The following ANK2 variants were observed in gnomAD, a reference collection of about 807,000 sequenced individuals.
ANK2 encodes ankyrin-2.
Under a neutral mutation model 360.5 loss-of-function variants are expected in ANK2, and 83 were observed. The ratio of observed to expected loss-of-function variants is 0.23; its 90% confidence interval spans 0.19 to 0.28. ANK2 has a LOEUF of 0.28. Among genes scored for constraint, ANK2 ranks in the 10% least tolerant of loss-of-function variants. The pLI is 1.00. For synonymous variants in ANK2, 1,740 were observed against 1,759.5 expected, an observed-to-expected ratio of 0.99 and a Z score of 0.28; for missense variants, 4,201 against 4,795.7, an observed-to-expected ratio of 0.88 and a Z score of 3.66.
chr4:113,357,609 C>T lies in ANK2; in HGVS notation c.8991C>T (p.Ser2997=). The T allele has an allele frequency of 6.2e-7, 1 of 1,614,062 alleles. No homozygotes were observed. Among genetic ancestry groups the T allele is most frequent in the Non-Finnish European group, 8.5e-7 (1 of 1,179,992 alleles). ...AGGGCCAGGACATAAAAATGGAATCCCAACAGGAAAGTACCTTGTGGGAAA... is the reference window on the plus strand; with the variant it reads ...AGGGCCAGGACATAAAAATGGAATCTCAACAGGAAAGTACCTTGTGGGAAA... ...NFEGQDIKME[S]QQESTLWEMQ... is the part of the protein sequence containing the mutation. Residue 2997 remains serine (S), a synonymous_variant, in exon 38 of 46, where the codon TCC becomes TCT. Transcript: ENST00000357077.
chr4:112,745,635 G>A, the ANK2 span, among the ~76,000 whole-genome samples: 1 of 148,326 alleles, frequency 6.7e-6, no homozygotes, highest in African/African-American at 2.5e-5. Flanking sequence ...CTAGGTTCAA[G>A]TGATTCTCCT....
chr4:112,854,040 G>C (rs1488673819), intron 1 of ANK2, among the ~76,000 whole-genome samples: 1 of 152,196 alleles, frequency 6.6e-6, no homozygotes, highest in African/African-American at 2.4e-5. Flanking sequence ...AGATGTACCT[G>C]TAAGAAAATA....
intron 27 of ANK2, among the ~76,000 whole-genome samples, chr4:113,331,655 C>G (rs1026073036): frequency 3.3e-5 from 5 of 152,198 alleles, no homozygotes; most frequent in Non-Finnish European, 7.3e-5. Flanking sequence ...CTGTACAGGG[C>G]AGAGTTTTCA....
At chr4:113,203,384 G>GT (rs749168609) in intron 4 of ANK2, among the ~76,000 whole-genome samples, 1 of 151,350 alleles carries the variant, frequency 6.6e-6, no homozygotes, top group Non-Finnish European at 1.5e-5. Flanking sequence ...TTAAATACTT[G>GT]TAGCACTCTT....
chr4:112,871,430 G>A (rs761086767), intron 1 of ANK2, among the ~76,000 whole-genome samples: 1 of 152,200 alleles, frequency 6.6e-6, no homozygotes, highest in Admixed American at 6.5e-5. Flanking sequence ...CAGGCAATCC[G>A]CCTGCCTTGG....
At chr4:113,361,702 T>G (rs2154040805) in intron 39 of ANK2, among the ~76,000 whole-genome samples, 1 of 152,212 alleles carries the variant, frequency 6.6e-6, no homozygotes, top group Middle Eastern at 3.4e-3. Context: ...GTGGCCACTT[T>G]CTCACTTGTA....
chr4:113,178,267 A>T (rs968992822), intron 2 of ANK2, among the ~76,000 whole-genome samples: 1 of 151,968 alleles, frequency 6.6e-6, no homozygotes, highest in Non-Finnish European at 1.5e-5. Context: ...GTCTCTTAAA[A>T]AAATAAATAA....
At chr4:112,962,987 A>C (rs527845387) in intron 2 of ANK2, among the ~76,000 whole-genome samples, 1 of 152,252 alleles carries the variant, frequency 6.6e-6, no homozygotes, top group East Asian at 1.9e-4. Context: ...ATGAATATTT[A>C]CTGATTATAT....
chr4:112,906,266 A>C (rs1244506945), intron 2 of ANK2, among the ~76,000 whole-genome samples: 1 of 152,204 alleles, frequency 6.6e-6, no homozygotes, highest in Non-Finnish European at 1.5e-5. Context: ...AGTTTTACAT[A>C]TAAATGTCCT....
the ANK2 span, among the ~76,000 whole-genome samples, chr4:112,711,804 A>T: frequency 6.6e-6 from 1 of 151,896 alleles, no homozygotes; most frequent in African/African-American, 2.4e-5. Context: ...TGGGCAACAG[A>T]GTGAGACTCT....
rs541098043 is a variant in ANK2, at chr4:112,881,176, G to A, written c.-39-23279G>A. Among the ~76,000 whole-genome samples the A allele has an allele frequency of 1.0e-3, 152 of 152,306 alleles. 1 individual carries two copies. The highest frequency in any genetic ancestry group is 3.4e-3 in the Middle Eastern group (1 of 294). On this transcript the variant is annotated intron_variant, in intron 1 of 30. Transcript: ENST00000503271. ...TAGTGGGCTGGGTGTGGTGGCTCAT[G>A]CCTGTAATTCCAGCACTTTGGGATG... is the stretch of plus-strand genomic sequence containing the variant.
chr4:113,311,305 C>G lies in ANK2; in HGVS notation c.2599C>G (p.Leu867Val). The G allele has an allele frequency of 6.2e-7, 1 of 1,614,074 alleles. No individual in the cohort carries two copies. The highest frequency in any genetic ancestry group is 8.5e-7 in the Non-Finnish European group (1 of 1,179,998). ...DGGEYLRPED[L>V]KELGDDSLPS... is the part of the protein sequence containing the mutation. ...GGGAGAATACCTTAGGCCTGAGGAC[C>G]TAAAAGAACTGGGTGATGACTCACT... The change falls in exon 24 of 46, where the codon CTA becomes GTA. Residue 867 changes from leucine (L) to valine (V), a missense_variant. Physicochemically the swap from Leu to Val is conservative, Grantham distance 32. Transcript: ENST00000357077.
intron 2 of ANK2, among the ~76,000 whole-genome samples, chr4:113,175,060 A>G (rs1165620018): frequency 6.6e-6 from 1 of 152,192 alleles, no homozygotes; most frequent in Non-Finnish European, 1.5e-5. Context: ...ATTATTTGGT[A>G]CCAACGTTGA....
chr4:113,228,250 TTGG>T (rs1189779370), intron 4 of ANK2, among the ~76,000 whole-genome samples: 1 of 152,160 alleles, frequency 6.6e-6, no homozygotes, highest in African/African-American at 2.4e-5. Flanking sequence ...AATAAGTTCT[TTGG>T]TGGTGATTTC....
intron 2 of ANK2, among the ~76,000 whole-genome samples, chr4:112,990,082 G>A (rs1229847098): frequency 2.6e-5 from 4 of 152,062 alleles, no homozygotes; most frequent in Non-Finnish European, 4.4e-5. Flanking sequence ...ACCAGCCTGA[G>A]AAAGTAGTGA....
chr4:112,840,309 C>T (rs1224622985), intron 1 of ANK2, among the ~76,000 whole-genome samples: 1 of 152,224 alleles, frequency 6.6e-6, no homozygotes, highest in Non-Finnish European at 1.5e-5. Flanking sequence ...TACAGTGATA[C>T]AGCACATTCC....
intron 1 of ANK2, among the ~76,000 whole-genome samples, chr4:113,072,861 A>G (rs770672059): frequency 1.4e-5 from 2 of 145,708 alleles, no homozygotes; most frequent in Non-Finnish European, 3.0e-5. Context: ...GAGTGTCCCT[A>G]CTCAAACTGT....
At chr4:113,155,336 T>C (rs541832258) in intron 1 of ANK2, among the ~76,000 whole-genome samples, 5 of 152,292 alleles carry the variant, frequency 3.3e-5, no homozygotes, top group African/African-American at 9.6e-5. Flanking sequence ...AGGTATTTCC[T>C]CAAGGTCACA....
chr4:113,318,621 G>T lies in ANK2; in HGVS notation c.2900+1G>T. On this transcript the variant is annotated splice_donor_variant, in intron 26 of 45. Coordinates refer to ENST00000357077, the MANE Select transcript of ANK2 (RefSeq NM_001148.6). LOFTEE classifies it high-confidence loss of function. ...TTTCTTCTAGTCCTATTCATTCAGG[G>T]TGAGTAAATCAATATTATGTATCCT... The T allele has an allele frequency of 6.2e-7, 1 of 1,604,370 alleles. No individual in the cohort carries two copies. The highest frequency in any genetic ancestry group is 8.5e-7 in the Non-Finnish European group (1 of 1,172,474).
Sources: allele counts gnomAD v4.1 joint callset (sites outside exome capture counted in the v4.1 genomes callset), GRCh38; gene constraint gnomAD v4.1.1; transcripts MANE v1.5; gene names NCBI Gene and HGNC (gene_info 2026-07-23, HGNC 2026-07-21).